The following MCU variants were observed in gnomAD, a reference collection of about 807,000 sequenced individuals.
MCU encodes calcium uniporter protein, mitochondrial.
A neutral mutation model predicts 45.2 loss-of-function variants in MCU; 12 were observed. The ratio of observed to expected loss-of-function variants is 0.27; its 90% CI spans 0.17 to 0.43. The LOEUF (loss-of-function observed/expected upper bound fraction) is 0.43. Among genes scored for constraint, MCU ranks in the 20% least tolerant of loss-of-function variants. The pLI, the probability that MCU is intolerant of heterozygous loss-of-function variation, is 1.00. For synonymous variants in MCU, 160 were observed against 165.1 expected (o/e 0.97, Z 0.24); for missense variants, 324 against 436.7 (o/e 0.74, Z 2.30).
chr10:72,801,026 C>G (rs144868791), intron 1 of MCU, among the ~76,000 whole-genome samples: 1 of 152,192 alleles, frequency 6.6e-6, no homozygotes, highest in African/African-American at 2.4e-5. Flanking sequence ...AAGTTTGAGG[C>G]TACAGTGAGC....
chr10:72,707,414 G>A (rs973489782), intron 1 of MCU, among the ~76,000 whole-genome samples: 2 of 151,920 alleles, frequency 1.3e-5, no homozygotes, highest in African/African-American at 4.8e-5. Flanking sequence ...GGCCAGGCTG[G>A]TTTTGCACTC....
chr10:72,754,778 C>T lies in MCU; in HGVS notation c.150+62477C>T, dbSNP rs183510881. Among the ~76,000 whole-genome samples the T allele has an allele frequency of 2.5e-4, 38 of 152,200 alleles. 1 individual carries two copies. The East Asian group carries it at 6.6e-3, about 26-fold the overall frequency. ...CCAGGAGGTTGAGGTGGCAGTGAGCCATGAGTGCATCACTGCACTCCAGCC... is the reference window on the plus strand; with the variant it reads ...CCAGGAGGTTGAGGTGGCAGTGAGCTATGAGTGCATCACTGCACTCCAGCC... On this transcript the variant is annotated intron_variant, in intron 1 of 7. Coordinates refer to ENST00000373053, the MANE Select transcript of MCU (RefSeq NM_138357.3).
intron 1 of MCU, among the ~76,000 whole-genome samples, chr10:72,732,945 A>G (rs932847716): frequency 6.6e-5 from 10 of 152,230 alleles, no homozygotes; most frequent in African/African-American, 2.4e-4. Context: ...AGTGAGGTTA[A>G]CATAATCTTT....
chr10:72,727,684 C>T (rs911160034), intron 1 of MCU, among the ~76,000 whole-genome samples: 1 of 151,988 alleles, frequency 6.6e-6, no homozygotes, highest in Non-Finnish European at 1.5e-5. Context: ...TTTTGAGTGC[C>T]TCTTGTATGG....
intron 2 of MCU, among the ~76,000 whole-genome samples, chr10:72,836,243 A>G (rs115879964): frequency 0.023 from 3,551 of 152,304 alleles, 131 homozygotes; most frequent in African/African-American, 0.082. Flanking sequence ...CATATATTCA[A>G]TATCCACATA....
chr10:72,822,252 A>G (rs1395796499), intron 1 of MCU, among the ~76,000 whole-genome samples: 1 of 152,252 alleles, frequency 6.6e-6, no homozygotes, highest in Non-Finnish European at 1.5e-5. Flanking sequence ...AGCATGGGCA[A>G]CAGAACGAGA....
chr10:72,805,106 T>TCTTTCTTC (rs1182664853), intron 1 of MCU, among the ~76,000 whole-genome samples: 1 of 94,662 alleles, frequency 1.1e-5, no homozygotes, highest in Admixed American at 1.1e-4. Flanking sequence ...TCTTTCTCTT[T>TCTTTCTTC]CTTTCTTTCT....
chr10:72,705,428 TC>T (rs1842807394), intron 1 of MCU, among the ~76,000 whole-genome samples: 1 of 152,124 alleles, frequency 6.6e-6, no homozygotes, highest in Non-Finnish European at 1.5e-5. Flanking sequence ...AAGCCTGTAA[TC>T]CCAGCACTTT....
chr10:72,845,031 G>A (rs1202025730), intron 2 of MCU, among the ~76,000 whole-genome samples: 2 of 152,142 alleles, frequency 1.3e-5, no homozygotes, highest in African/African-American at 4.8e-5. Context: ...AAGGGGGCAT[G>A]TGGTACCTAA....
At chr10:72,750,027 G>A (rs1235361294) in intron 1 of MCU, among the ~76,000 whole-genome samples, 2 of 151,224 alleles carry the variant, frequency 1.3e-5, no homozygotes, top group Non-Finnish European at 2.9e-5. Flanking sequence ...TGATCCGCCT[G>A]CTTTGACTTG....
intron 5 of MCU, among the ~76,000 whole-genome samples, chr10:72,869,670 CTATA>C (rs1482623791): frequency 2.6e-5 from 4 of 152,056 alleles, no homozygotes; most frequent in Non-Finnish European, 2.9e-5. Context: ...AATATAATGA[CTATA>C]TAGCATTTAC....
intron 1 of MCU, among the ~76,000 whole-genome samples, chr10:72,777,090 A>G (rs941860469): frequency 2.0e-5 from 3 of 152,240 alleles, no homozygotes; most frequent in Non-Finnish European, 4.4e-5. Context: ...ATGCTAATGA[A>G]TTGGAAGAAT....
chr10:72,871,625 T>G, intron 6 of MCU, 45 bp downstream of exon 6: 2 of 1,528,368 alleles, frequency 1.3e-6, no homozygotes, highest in Non-Finnish European at 1.8e-6. Context: ...AGTAATAAAG[T>G]TTTGATTGTC....
rs773588968 is a variant in MCU at position 72,868,878 on chromosome 10, C to G, written c.657+15C>G. On this transcript the variant is annotated intron_variant, in intron 5 of 7. Transcript: ENST00000373053. ...CCCTGGAAAAGGTAAAACTTCCAATCTCAGGTTTTTTACCTTAACCTGTAT... is the reference window on the plus strand; with the variant it reads ...CCCTGGAAAAGGTAAAACTTCCAATGTCAGGTTTTTTACCTTAACCTGTAT... 2.5e-6 allele frequency: 4 copies of G among 1,610,654 alleles called. 1 individual carries two copies. The highest frequency in any genetic ancestry group is 2.2e-5 in the South Asian group (2 of 90,788).
intron 1 of MCU, among the ~76,000 whole-genome samples, chr10:72,695,203 C>T (rs148455279): frequency 2.0e-5 from 3 of 152,332 alleles, no homozygotes; most frequent in African/African-American, 7.2e-5. Flanking sequence ...CATTTTCTAG[C>T]AGTTAACGGC....
At chr10:72,870,463 T>A (rs186549940) in intron 5 of MCU, among the ~76,000 whole-genome samples, 63 of 152,196 alleles carry the variant, frequency 4.1e-4, no homozygotes, top group African/African-American at 1.4e-3. Context: ...TGTTTTTTTT[T>A]AGTAGAGACG....
intron 1 of MCU, among the ~76,000 whole-genome samples, chr10:72,725,953 T>G (rs1843093205): frequency 6.6e-6 from 1 of 152,212 alleles, no homozygotes; most frequent in Non-Finnish European, 1.5e-5. Flanking sequence ...TCATATTTAT[T>G]TCCTCCTTTC....
At chr10:72,753,734 G>A (rs1043113449) in intron 1 of MCU, among the ~76,000 whole-genome samples, 4 of 151,960 alleles carry the variant, frequency 2.6e-5, no homozygotes, top group African/African-American at 9.7e-5. Flanking sequence ...ATACTAGCTG[G>A]GTGTGGTGGT....
chr10:72,692,271 C>CCGCCACCGGCAGCAGCAG lies in MCU; in HGVS notation c.122_139dup (p.Arg41_Gln46dup), dbSNP rs1305741499. 8.1e-7 allele frequency: 1 copy of CCGCCACCGGCAGCAGCAG among 1,229,364 alleles called. No homozygotes were observed. The highest frequency in any genetic ancestry group is 1.0e-6 in the Non-Finnish European group (1 of 983,748). 76.2% of individuals were successfully genotyped at this position (1,229,364 alleles called of 1,614,324 possible). On this transcript the variant is annotated inframe_insertion, in exon 1 of 8. Coordinates refer to ENST00000373053, the MANE Select transcript of MCU (RefSeq NM_138357.3). ...GCTGCTTCCCTGGGCTGGGCGTCAG[C>CCGCCACCGGCAGCAGCAG]CGCCACCGGCAGCAGCAGCACCACC... is the stretch of plus-strand genomic sequence containing the variant.
Sources: gnomAD v4.1 joint callset for allele counts (sites outside exome capture counted in the v4.1 genomes callset) on GRCh38, gnomAD v4.1.1 for gene constraint, MANE v1.5 for transcripts, NCBI Gene and HGNC (gene_info 2026-07-23, HGNC 2026-07-21) for gene names.